Variants in HGS observed in about 807,000 individuals in gnomAD.
The protein encoded by HGS is hepatocyte growth factor-regulated tyrosine kinase substrate.
HGS carries 63 observed loss-of-function variants against 109.7 expected under a neutral mutation model. The observed-to-expected ratio is 0.57, with a 90% CI of 0.47 to 0.71. The LOEUF (loss-of-function observed/expected upper bound fraction) is 0.71, where lower values mean the gene tolerates loss of function less well. Among genes scored for constraint, HGS ranks in the 30% least tolerant of loss-of-function variants. The pLI is 0.00. For synonymous variants in HGS, 546 were observed against 437.3 expected (o/e 1.25, Z -3.10); for missense variants, 995 against 1,068.3 (o/e 0.93, Z 0.96).
chr17:81,699,991 C>T (rs947371752), intron 18 of HGS, among the ~76,000 whole-genome samples: 6 of 151,824 alleles, frequency 4.0e-5, no homozygotes, highest in African/African-American at 1.2e-4. Flanking sequence ...AGGAGAATTG[C>T]TTCAACCCAG....
At chr17:81,687,150 C>T (rs1347606687) in intron 4 of HGS, 55 bp downstream of exon 4, 17 of 1,223,542 alleles carry the variant, frequency 1.4e-5, no homozygotes, top group Middle Eastern at 1.9e-4. Flanking sequence ...TTTGCTTCTC[C>T]GGGTGTTTAC....
At chr17:81,686,268 T>C in intron 2 of HGS, 44 bp from the exon 3 acceptor site, 2 of 1,544,228 alleles carry the variant, frequency 1.3e-6, no homozygotes, top group African/African-American at 1.4e-5. Context: ...CTGAGACTAT[T>C]TTTTTCCCGT....
At chr17:81,694,117 G>C in intron 11 of HGS, 152 bp downstream of exon 11, 3 of 651,822 alleles carry the variant, frequency 4.6e-6, no homozygotes, top group East Asian at 5.6e-5. Flanking sequence ...GCGGACATCA[G>C]GGCAGAGCCC....
At chr17:81,688,184 G>T (rs2037009646) in intron 4 of HGS, among the ~76,000 whole-genome samples, 1 of 151,612 alleles carries the variant, frequency 6.6e-6, no homozygotes, top group Non-Finnish European at 1.5e-5. Context: ...GAGGGCCGTA[G>T]ACGCGAGGCC....
At chr17:81,694,373 G>A (rs2037112178) in intron 11 of HGS, among the ~76,000 whole-genome samples, 1 of 152,252 alleles carries the variant, frequency 6.6e-6, no homozygotes, top group Non-Finnish European at 1.5e-5. Flanking sequence ...GGGACAGCAG[G>A]TTGAGAAAGT....
At chr17:81,698,797 G>A (rs2037191854) in intron 18 of HGS, among the ~76,000 whole-genome samples, 2 of 152,184 alleles carry the variant, frequency 1.3e-5, no homozygotes, top group Non-Finnish European at 2.9e-5. Context: ...AGCCAGGTGC[G>A]GTGGCTCATG....
At chr17:81,686,413 GCC>G in intron 3 of HGS, 26 bp downstream of exon 3, 1 of 1,580,176 alleles carries the variant, frequency 6.3e-7, no homozygotes, top group Non-Finnish European at 8.7e-7. Flanking sequence ...TGCCTCAGTG[GCC>G]CCCAGGGTCC....
At chr17:81,689,813 T>C (rs73354126) in intron 5 of HGS, among the ~76,000 whole-genome samples, 5,164 of 152,270 alleles carry the variant, frequency 0.034, 318 homozygotes, top group African/African-American at 0.12. Flanking sequence ...GGATTTTTTC[T>C]GGGGTCGTGT....
intron 5 of HGS, among the ~76,000 whole-genome samples, chr17:81,689,775 G>C (rs534191225): frequency 6.6e-6 from 1 of 152,360 alleles, no homozygotes; most frequent in South Asian, 2.1e-4. Context: ...CTGTGCTCCT[G>C]TCTCCTTCCT....
chr17:81,696,255 A>G (rs900896480), intron 15 of HGS, 102 bp from the exon 16 acceptor site: 2 of 1,367,518 alleles, frequency 1.5e-6, no homozygotes, highest in Non-Finnish European at 1.9e-6. Flanking sequence ...AGCCCTCTGC[A>G]GAAGGTTGGG....
intron 8 of HGS, chr17:81,693,004 C>G (rs1321069102): frequency 1.3e-5 from 2 of 151,958 alleles, no homozygotes; most frequent in East Asian, 3.9e-4. Flanking sequence ...GAGCAAGACT[C>G]TATCTCAAAT....
Position 81,694,827 on chromosome 17 carries a change from C to A in HGS, c.949C>A (p.Pro317Thr). The A allele has an allele frequency of 6.2e-7, 1 of 1,614,262 alleles. No homozygotes were observed. Among genetic ancestry groups the A allele is most frequent in the Non-Finnish European group, 8.5e-7 (1 of 1,180,038 alleles). Residue 317 changes from proline (P) to threonine (T), a missense_variant, in exon 12 of 22, where the codon CCT becomes ACT. By Grantham distance (38) the Pro-to-Thr change is conservative. This residue lies in a region of HGS where 300 missense variants were observed against 235.4 expected (regional missense o/e 1.27). Transcript: ENST00000329138. ...LYSSPVNSSA[P>T]LAEDIDPELA... ...CTTTTCTCCCCAGAACTCGTCGGCG[C>A]CTCTGGCTGAGGACATCGACCCTGA...
At position 81,701,625 on chromosome 17, in the gene HGS, C is replaced by T. The variant is rs761265402; in HGVS notation, c.*7C>T. On this transcript the variant is annotated 3_prime_UTR_variant, in exon 22 of 22. Transcript: ENST00000329138. ...GCTCATTTCATTCGACTGACCCAGG[C>T]CATGCTCACGTCCGGAGTAACACTA... The T allele has an allele frequency of 2.6e-6, 4 of 1,554,262 alleles. No homozygotes were observed. The East Asian group carries it at 9.6e-5, about 37-fold the overall frequency.
rs1427336630 is a variant in HGS, at chr17:81,695,789, C to G, written c.1183C>G (p.Gln395Glu). 2.5e-6 allele frequency: 4 copies of G among 1,613,246 alleles called. No individual in the cohort carries two copies. Among genetic ancestry groups the G allele is most frequent in the African/African-American group, 2.7e-5 (2 of 74,942 alleles). Residue 395 changes from glutamine (Q) to glutamate (E), a missense_variant, in exon 15 of 22, where the codon CAG becomes GAG. By Grantham distance (29) the Gln-to-Glu change is conservative. Transcript: ENST00000329138. ...CAGAACCCTGCTCTGCCTGCAGCCA[C>G]AGTTCCACAATGGCGAGTCTGAGGA... is the stretch of plus-strand genomic sequence containing the variant. ...PPSGGPFSEP[Q>E]FHNGESEESH...
At chr17:81,701,385 A>G in intron 21 of HGS, 123 bp from the exon 22 acceptor site, 2 of 1,092,952 alleles carry the variant, frequency 1.8e-6, no homozygotes, top group Non-Finnish European at 2.6e-6. Flanking sequence ...TGGCTGCATG[A>G]GCTGCAGTCC....
chr17:81,696,248 C>G (rs2037145085), intron 15 of HGS, 109 bp from the exon 16 acceptor site: 1 of 1,339,632 alleles, frequency 7.5e-7, no homozygotes, highest in Non-Finnish European at 9.9e-7. Context: ...CCTTCAGAGC[C>G]CTCTGCAGAA....
In HGS at chr17:81,696,284, C is replaced by T. The variant is rs542119592; in HGVS notation, c.1394-73C>T. ...GGTTGGGCACAGGGCGGCCCATCTG[C>T]GTGTCCGTTCCACCCAGGAGCTTCT... On this transcript the variant is annotated intron_variant, in intron 15 of 21. Coordinates refer to ENST00000329138, the MANE Select transcript of HGS (RefSeq NM_004712.5). 32 of 1,448,846 alleles carry T rather than the reference C, an allele frequency of 2.2e-5. No homozygotes were observed. In the African/African-American group the frequency reaches 2.8e-4, roughly 13 times the overall value. The allele number at this position is 1,448,846 out of a possible 1,614,324, so 89.7% of individuals were successfully genotyped here. A position where few individuals can be genotyped will look rare whatever the true frequency, so the allele number is the denominator to read the frequency against.
intron 18 of HGS, among the ~76,000 whole-genome samples, chr17:81,698,913 A>G (rs1313863414): frequency 6.6e-6 from 1 of 152,120 alleles, no homozygotes; most frequent in African/African-American, 2.4e-5. Context: ...CTAAAAATAC[A>G]AAAATTAGCC....
chr17:81,699,420 C>A (rs1325054533), intron 18 of HGS, among the ~76,000 whole-genome samples: 1 of 152,236 alleles, frequency 6.6e-6, no homozygotes, highest in East Asian at 1.9e-4. Flanking sequence ...CTCCTCCCAT[C>A]CTTGTTGGTT....
Sources: gnomAD v4.1 joint callset for allele counts (sites outside exome capture counted in the v4.1 genomes callset) on GRCh38, gnomAD v4.1.1 for gene constraint, gnomAD v4.1.1 regional missense constraint, MANE v1.5 for transcripts, NCBI Gene and HGNC (gene_info 2026-07-23, HGNC 2026-07-21) for gene names.